STXBP5L: variants seen among roughly 807,000 people sequenced by gnomAD.
The protein encoded by STXBP5L is syntaxin binding protein 5L, also known as syntaxin-binding protein 5-like.
A neutral mutation model predicts 144.5 loss-of-function variants in STXBP5L; 65 were observed. The observed-to-expected ratio is 0.45, with a 90% confidence interval of 0.37 to 0.55. The LOEUF is 0.55. Among genes scored for constraint, STXBP5L ranks in the 20% least tolerant of loss-of-function variants. The probability of loss-of-function intolerance (pLI) is 0.00; values close to 1 mark genes in which losing one functional copy is unlikely to be tolerated. For synonymous variants in STXBP5L, 505 were observed against 469.6 expected (o/e 1.08, Z -0.97); for missense variants, 1,298 against 1,405.5 (o/e 0.92, Z 1.22).
Position 121,100,948 on chromosome 3 carries a change from A to C in STXBP5L, c.471-13977A>C, listed in dbSNP as rs151103786. 7.9e-4 allele frequency among the ~76,000 whole-genome samples: 120 copies of C among 152,178 alleles called. No homozygotes were observed. The South Asian group carries it at 8.1e-3, about 10-fold the overall frequency. On this transcript the variant is annotated intron_variant, in intron 5 of 26. Coordinates refer to ENST00000471454, the MANE Select transcript of STXBP5L (RefSeq NM_001308330.2). ...CCCACAAAAACATAAAATATCCTCC[A>C]AGACTGCTATGAACACCTCTATGCA...
intron 3 of STXBP5L, among the ~76,000 whole-genome samples, chr3:121,028,171 C>G (rs1482820333): frequency 6.6e-6 from 1 of 151,974 alleles, no homozygotes; most frequent in African/African-American, 2.4e-5. Flanking sequence ...GTTTTCACAG[C>G]TGAATTATTT....
chr3:120,935,102 T>G (rs559917294), intron 2 of STXBP5L, among the ~76,000 whole-genome samples: 1 of 152,004 alleles, frequency 6.6e-6, no homozygotes, highest in African/African-American at 2.4e-5. Flanking sequence ...TTTTTCTGTC[T>G]TGTCTAACTT....
At chr3:121,344,175 C>A (rs1238308295) in intron 20 of STXBP5L, among the ~76,000 whole-genome samples, 1 of 151,976 alleles carries the variant, frequency 6.6e-6, no homozygotes, top group Non-Finnish European at 1.5e-5. Context: ...ATAAATGGTG[C>A]TGGGAAAACT....
chr3:121,056,447 T>G (rs1326961753), intron 5 of STXBP5L, among the ~76,000 whole-genome samples: 1 of 152,220 alleles, frequency 6.6e-6, no homozygotes, highest in Non-Finnish European at 1.5e-5. Flanking sequence ...TTCTGAAAAC[T>G]ATTAACTAAA....
chr3:121,211,215 C>T (rs149784819), intron 10 of STXBP5L, among the ~76,000 whole-genome samples: 193 of 152,154 alleles, frequency 1.3e-3, no homozygotes, highest in African/African-American at 4.2e-3. Flanking sequence ...AGTTTACTCA[C>T]GATTTGGCTC....
At chr3:121,313,098 C>G (rs2043605479) in intron 19 of STXBP5L, among the ~76,000 whole-genome samples, 1 of 146,964 alleles carries the variant, frequency 6.8e-6, no homozygotes, top group South Asian at 2.2e-4. Context: ...GGCTGACCCC[C>G]CCACCACCCT....
rs184135812 is a variant in STXBP5L at position 120,965,694 on chromosome 3, T to C, written c.287+10657T>C. On this transcript the variant is annotated intron_variant, in intron 3 of 26. Coordinates refer to ENST00000471454, the MANE Select transcript of STXBP5L (RefSeq NM_001308330.2). Reference sequence around the variant, plus strand: ...TTGTGGGTAACTTGACCTTTCTCTCTGGCTGCCCTTAACATTTTTTCCTTC... The same window carrying C: ...TTGTGGGTAACTTGACCTTTCTCTCCGGCTGCCCTTAACATTTTTTCCTTC... Among the ~76,000 whole-genome samples, 388 of 152,334 alleles carry C rather than the reference T, an allele frequency of 2.5e-3. 4 individuals are homozygous for C. The highest frequency in any genetic ancestry group is 8.7e-3 in the African/African-American group (362 of 41,582).
At chr3:120,926,350 G>A (rs143476810) in intron 2 of STXBP5L, among the ~76,000 whole-genome samples, 1,445 of 112,686 alleles carry the variant, frequency 0.013, 11 homozygotes, top group Admixed American at 0.021. Context: ...TTCTTGGATG[G>A]CAGTTCTTTT....
intron 3 of STXBP5L, among the ~76,000 whole-genome samples, chr3:120,983,082 C>T (rs1180990497): frequency 6.6e-6 from 1 of 152,218 alleles, no homozygotes; most frequent in African/African-American, 2.4e-5. Context: ...ACACTTCCAT[C>T]TGACAGCAGT....
chr3:120,999,400 C>A (rs1006026154), intron 3 of STXBP5L, among the ~76,000 whole-genome samples: 1 of 152,078 alleles, frequency 6.6e-6, no homozygotes, highest in Non-Finnish European at 1.5e-5. Context: ...AACCCCAATT[C>A]TTTTTTCTTT....
chr3:121,011,267 G>A lies in STXBP5L; in HGVS notation c.288-30433G>A, dbSNP rs145781689. Reference sequence around the variant, plus strand: ...GTGTCTCTGAATCAGTAAAATCCCCGTCCCCTTATTCGTTCTTATATGCTA... The same window carrying A: ...GTGTCTCTGAATCAGTAAAATCCCCATCCCCTTATTCGTTCTTATATGCTA... On this transcript the variant is annotated intron_variant, in intron 3 of 26. Transcript: ENST00000471454. 2.7e-3 allele frequency among the ~76,000 whole-genome samples: 401 copies of A among 150,910 alleles called. 2 individuals are homozygous for A. The highest frequency in any genetic ancestry group is 0.01 in the Middle Eastern group (3 of 294).
chr3:121,192,332 A>G (rs2047729647), intron 9 of STXBP5L, among the ~76,000 whole-genome samples: 1 of 152,230 alleles, frequency 6.6e-6, no homozygotes, highest in Non-Finnish European at 1.5e-5. Context: ...GGACACAAAC[A>G]AATGGAAGAA....
At chr3:120,993,387 T>C (rs1943080759) in intron 3 of STXBP5L, among the ~76,000 whole-genome samples, 1 of 152,114 alleles carries the variant, frequency 6.6e-6, no homozygotes, top group African/African-American at 2.4e-5. Context: ...TCATTTCTTA[T>C]ACCATGTACT....
Position 121,010,662 on chromosome 3 carries a change from C to G in STXBP5L, c.288-31038C>G, listed in dbSNP as rs562505013. Among the ~76,000 whole-genome samples, 5 of 151,954 alleles carry G rather than the reference C, an allele frequency of 3.3e-5. No individual in the cohort carries two copies. In the East Asian group the frequency reaches 9.7e-4, roughly 29 times the overall value. On this transcript the variant is annotated intron_variant, in intron 3 of 26. Transcript: ENST00000471454. ...CTAATAGCCTACTGTTGACTGCAAG[C>G]CATACTAATAACATAAACAGTCAAT... is the stretch of plus-strand genomic sequence containing the variant.
chr3:121,187,440 G>C (rs1431090486), intron 9 of STXBP5L, among the ~76,000 whole-genome samples: 2 of 151,236 alleles, frequency 1.3e-5, no homozygotes, highest in Non-Finnish European at 2.9e-5. Context: ...GATAGCATTA[G>C]GAGATACACC....
intron 20 of STXBP5L, among the ~76,000 whole-genome samples, chr3:121,329,536 T>A (rs1282932054): frequency 6.6e-6 from 1 of 152,170 alleles, no homozygotes; most frequent in African/African-American, 2.4e-5. Context: ...GGAGGTTCTA[T>A]CATGGAAATA....
chr3:121,235,312 A>AT (rs1476000144), intron 12 of STXBP5L, among the ~76,000 whole-genome samples: 1 of 151,844 alleles, frequency 6.6e-6, no homozygotes, highest in Non-Finnish European at 1.5e-5. Context: ...ATCTCTTTCA[A>AT]TTTTTTTCTT....
chr3:121,232,796 G>A (rs1298864058), intron 11 of STXBP5L, among the ~76,000 whole-genome samples: 2 of 152,168 alleles, frequency 1.3e-5, no homozygotes. Flanking sequence ...TGGGGATTGA[G>A]GAAGGTTTTA....
chr3:120,909,298 G>C (rs1466224807), intron 1 of STXBP5L: 1 of 332,644 alleles, frequency 3.0e-6, no homozygotes, highest in East Asian at 8.4e-5. Flanking sequence ...CGTAGTTACA[G>C]CTGGGGATAC....
Sources: allele counts gnomAD v4.1 joint callset (sites outside exome capture counted in the v4.1 genomes callset), GRCh38; gene constraint gnomAD v4.1.1; transcripts MANE v1.5; gene names NCBI Gene and HGNC (gene_info 2026-07-23, HGNC 2026-07-21).